Variants in RPP38 observed in about 807,000 individuals in gnomAD.
RPP38 encodes ribonuclease P/MRP subunit p38, also known as ribonuclease P protein subunit p38.
Under a neutral mutation model 1.7 loss-of-function variants are expected in RPP38, and 2 were observed. The ratio of observed to expected loss-of-function variants is 1.18; its 90% confidence interval spans 0.48 to 3.70. The LOEUF is 3.70. Ranked by LOEUF, RPP38 falls within the 30% of genes most tolerant of loss-of-function variation. The pLI is 0.07. For synonymous variants in RPP38, 151 were observed against 131.8 expected, an observed-to-expected ratio of 1.15 and a Z score of -1.00; for missense variants, 358 against 340.1, an observed-to-expected ratio of 1.05 and a Z score of -0.41.
rs1844965020 is a variant in RPP38, at chr10:15,097,406, C to A, written c.-490C>A. The A allele has an allele frequency of 6.6e-6, 1 of 152,326 alleles. No individual in the cohort carries two copies. Among genetic ancestry groups the A allele is most frequent in the Non-Finnish European group, 1.5e-5 (1 of 68,128 alleles). 9.4% of individuals were successfully genotyped at this position (152,326 alleles called of 1,614,324 possible). A position where few individuals can be genotyped will look rare whatever the true frequency, so the allele number is the denominator to read the frequency against. On this transcript the variant is annotated 5_prime_UTR_variant, in exon 1 of 3. Coordinates refer to ENST00000378197, the MANE Select transcript of RPP38 (RefSeq NM_183005.5). ...GACCACGGATTCGCCATCGTGAGTT[C>A]CAGGTGGGCGCGCGGGGCCCACGTA...
chr10:15,102,405 C>T (rs1279991429), intron 2 of RPP38, 69 bp downstream of exon 2: 1 of 151,934 alleles, frequency 6.6e-6, no homozygotes, highest in East Asian at 1.9e-4. Context: ...AGAGTGGTCT[C>T]GAACTCATGG....
In RPP38 at chr10:15,103,823, C is replaced by A. The variant is rs762330393; in HGVS notation, c.509C>A (p.Pro170His). ...CCCCGGCTCAGTGAGAGAATCGCCC[C>A]CGTCATTGGCTTAAAATGTGTTCTA... ...QVPRLSERIA[P>H]VIGLKCVLAL... The change falls in exon 3 of 3, where the codon CCC becomes CAC. Residue 170 changes from proline to histidine, a missense_variant. Coordinates refer to ENST00000378197, the MANE Select transcript of RPP38 (RefSeq NM_183005.5). 1 of 1,613,962 alleles carries A rather than the reference C, an allele frequency of 6.2e-7. No homozygotes were observed. Among genetic ancestry groups the A allele is most frequent in the Non-Finnish European group, 8.5e-7 (1 of 1,180,040 alleles).
rs1184502898 is a variant in RPP38, at chr10:15,103,548, G to A, written c.234G>A (p.Glu78=). 6.2e-7 allele frequency: 1 copy of A among 1,614,146 alleles called. No homozygotes were observed. The highest frequency in any genetic ancestry group is 8.5e-7 in the Non-Finnish European group (1 of 1,180,026). Residue 78 remains glutamate, a synonymous_variant, in exon 3 of 3, where the codon GAG becomes GAA. Transcript: ENST00000378197. ...KTPFLKKESR[E]KCSIAVDISE... is the part of the protein sequence containing the mutation. ...CTTTTCTGAAAAAAGAAAGCAGAGA[G>A]AAATGCAGCATTGCTGTTGATATTA...
chr10:15,101,222 T>A (rs1845100117), intron 1 of RPP38, among the ~76,000 whole-genome samples: 1 of 152,294 alleles, frequency 6.6e-6, no homozygotes, highest in South Asian at 2.1e-4. Flanking sequence ...AAGAAGCAAA[T>A]AATACATGGA....
chr10:15,098,235 T>TTTTTG (rs1243607969), intron 1 of RPP38, among the ~76,000 whole-genome samples: 18 of 144,416 alleles, frequency 1.2e-4, no homozygotes, highest in Non-Finnish European at 2.7e-4. Flanking sequence ...TGTTTTTTTT[T>TTTTTG]TTTTTTTTTT....
intron 2 of RPP38, 70 bp from the exon 3 acceptor site, chr10:15,103,235 C>G: frequency 7.8e-7 from 1 of 1,286,486 alleles, no homozygotes; most frequent in Non-Finnish European, 1.1e-6. Context: ...AGAGTACAGT[C>G]AAGATATTCT....
At chr10:15,099,788 A>G (rs995555142) in intron 1 of RPP38, among the ~76,000 whole-genome samples, 3 of 152,122 alleles carry the variant, frequency 2.0e-5, no homozygotes, top group African/African-American at 7.2e-5. Flanking sequence ...CTATACAGAA[A>G]ATTTAAAAAT....
intron 1 of RPP38, among the ~76,000 whole-genome samples, chr10:15,101,783 C>T (rs564161818): frequency 1.5e-4 from 23 of 152,036 alleles, no homozygotes; most frequent in Admixed American, 5.9e-4. Flanking sequence ...CCAGCTACTC[C>T]GGAGGCTGTG....
At chr10:15,099,252 T>TG (rs1209258006) in intron 1 of RPP38, among the ~76,000 whole-genome samples, 1 of 152,104 alleles carries the variant, frequency 6.6e-6, no homozygotes, top group Non-Finnish European at 1.5e-5. Flanking sequence ...TGTTCGGTGT[T>TG]GAGGACTTGT....
rs760258617 is a variant in RPP38 at position 15,103,716 on chromosome 10, G to A, written c.402G>A (p.Val134=). Residue 134 remains valine, a synonymous_variant, in exon 3 of 3, where the codon GTG becomes GTA. Transcript: ENST00000378197. ...GGAGGGAACTGCTGTTAGTTCTGGT[G>A]TGTAAATCAGTCAAGCCTGCCATGA... The part of the protein sequence containing the change: ...LERRELLLVL[V]CKSVKPAMIT... 1.2e-6 allele frequency: 2 copies of A among 1,613,820 alleles called. No homozygotes were observed. The highest frequency in any genetic ancestry group is 2.2e-5 in the East Asian group (1 of 44,896).
At chr10:15,099,884 A>G (rs1358832655) in intron 1 of RPP38, among the ~76,000 whole-genome samples, 1 of 152,204 alleles carries the variant, frequency 6.6e-6, no homozygotes, top group Non-Finnish European at 1.5e-5. Flanking sequence ...GCTTGAACCC[A>G]GAAGTTCAAG....
At chr10:15,102,474 G>A (rs971161942) in intron 2 of RPP38, 138 bp downstream of exon 2, 1 of 152,156 alleles carries the variant, frequency 6.6e-6, no homozygotes, top group Non-Finnish European at 1.5e-5. Flanking sequence ...GCATGAGCCA[G>A]TGTGCCAGGC....
chr10:15,103,464 C>T lies in RPP38; in HGVS notation c.150C>T (p.Asp50=). The T allele has an allele frequency of 6.2e-7, 1 of 1,614,136 alleles. No homozygotes were observed. Among genetic ancestry groups the T allele is most frequent in the Non-Finnish European group, 8.5e-7 (1 of 1,180,022 alleles). ...DMHFILQTLE[D]RLKAIGLQKI... ...ACTTCATCCTACAGACGCTTGAGGA[C>T]AGGCTTAAAGCTATTGGACTTCAGA... Residue 50 remains aspartate (D), a synonymous_variant, in exon 3 of 3, where the codon GAC becomes GAT. Transcript: ENST00000378197.
At position 15,104,116 on chromosome 10, in the gene RPP38, C is replaced by T. The variant is rs1322346773; in HGVS notation, c.802C>T (p.Pro268Ser). 6.3e-7 allele frequency: 1 copy of T among 1,585,378 alleles called. No homozygotes were observed. The highest frequency in any genetic ancestry group is 1.2e-5 in the South Asian group (1 of 84,890). The change falls in exon 3 of 3, where the codon CCT becomes TCT. Residue 268 changes from proline to serine, a missense_variant. Pro to Ser is a moderately conservative substitution (Grantham distance 74, BLOSUM62 -1). Transcript: ENST00000378197. ...PLKIKKLIPN[P>S]NKIRKPPKSK... is the part of the protein sequence containing the mutation. ...TAAAATAAAGAAACTGATTCCAAAC[C>T]CTAATAAGATAAGGAAACCACCCAA...
chr10:15,104,246 T>G lies in RPP38; in HGVS notation c.*80T>G, dbSNP rs971341576. The G allele has an allele frequency of 7.3e-7, 1 of 1,361,432 alleles. No individual in the cohort carries two copies. Among genetic ancestry groups the G allele is most frequent in the Non-Finnish European group, 1.0e-6 (1 of 998,772 alleles). 84.3% of individuals were successfully genotyped at this position (1,361,432 alleles called of 1,614,324 possible). A position where few individuals can be genotyped will look rare whatever the true frequency, so the allele number is the denominator to read the frequency against. On this transcript the variant is annotated 3_prime_UTR_variant, in exon 3 of 3. Transcript: ENST00000378197. Reference sequence around the variant, plus strand: ...GCCTTGAAACTAATAAAATGAGTTATACTTACATAGATTCATAGGGTCCTG... The same window carrying G: ...GCCTTGAAACTAATAAAATGAGTTAGACTTACATAGATTCATAGGGTCCTG...
Position 15,104,181 on chromosome 10 carries a change from G to A in RPP38, c.*15G>A. 10 of 1,551,946 alleles carry A rather than the reference G, an allele frequency of 6.4e-6. No individual in the cohort carries two copies. The highest frequency in any genetic ancestry group is 8.7e-6 in the Non-Finnish European group (10 of 1,155,878). The stretch of plus-strand genomic sequence containing the variant: ...CTCCAAAGTAATCTTGCATAAACTT[G>A]TCATGTCATACAGTTTGTGAAAGGA... On this transcript the variant is annotated 3_prime_UTR_variant, in exon 3 of 3. Transcript: ENST00000378197.
rs777334090 is a variant in RPP38, at chr10:15,103,382, C to T, written c.68C>T (p.Thr23Met). The T allele has an allele frequency of 5.6e-6, 9 of 1,613,322 alleles. No individual in the cohort carries two copies. Among genetic ancestry groups the T allele is most frequent in the Admixed American group, 1.7e-5 (1 of 59,880 alleles). ...LRKTRPLVVK[T>M]SLNNPYIIRW... ...AAGACGAGACCTCTGGTTGTGAAGA[C>T]GTCGTTGAACAACCCATACATCATC... The change falls in exon 3 of 3, where the codon ACG (threonine) becomes ATG (methionine). Residue 23 changes from threonine (T) to methionine (M), a missense_variant. Coordinates refer to ENST00000378197, the MANE Select transcript of RPP38 (RefSeq NM_183005.5).
chr10:15,101,129 T>C (rs1466552058), intron 1 of RPP38, among the ~76,000 whole-genome samples: 1 of 152,166 alleles, frequency 6.6e-6, no homozygotes, highest in Non-Finnish European at 1.5e-5. Flanking sequence ...AACAGAAAAC[T>C]TGGATTTGGA....
intron 1 of RPP38, among the ~76,000 whole-genome samples, chr10:15,098,884 CAAAA>C (rs781428605): frequency 1.0e-4 from 4 of 39,676 alleles, no homozygotes; most frequent in African/African-American, 1.7e-4. Context: ...GACTCCGTCT[CAAAA>C]AAAAAAAAAA....
Sources: gnomAD v4.1 joint callset for allele counts (sites outside exome capture counted in the v4.1 genomes callset) on GRCh38, gnomAD v4.1.1 for gene constraint, MANE v1.5 for transcripts, NCBI Gene and HGNC (gene_info 2026-07-23, HGNC 2026-07-21) for gene names.